Variants in CLVS1 observed in about 807,000 individuals in gnomAD.
CLVS1 encodes the protein clavesin 1, also known as clavesin-1.
In CLVS1, 10 loss-of-function variants were observed where a neutral mutation model predicts 33.1. The observed-to-expected ratio is 0.30, with a 90% CI of 0.19 to 0.51. The LOEUF (loss-of-function observed/expected upper bound fraction) is 0.51, where lower values mean the gene tolerates loss of function less well. Among genes scored for constraint, CLVS1 ranks in the 20% least tolerant of loss-of-function variants. The pLI, the probability that CLVS1 is intolerant of heterozygous loss-of-function variation, is 0.97. For synonymous variants in CLVS1, 163 were observed against 166.1 expected, an observed-to-expected ratio of 0.98 and a Z score of 0.14; for missense variants, 343 against 433.4, an observed-to-expected ratio of 0.79 and a Z score of 1.85.
At chr8:60,994,192 G>T in the CLVS1 span, among the ~76,000 whole-genome samples, 7 of 151,984 alleles carry the variant, frequency 4.6e-5, no homozygotes, top group African/African-American at 1.7e-4. Context: ...GTATCTTCAC[G>T]TGGTCCTTCC....
In CLVS1 at chr8:61,501,088, ATAAAT is replaced by A. The variant is rs1248255403; in HGVS notation, c.*1551_*1555del. ...ATTTCTCAAACAACTGTATCACAAT[ATAAAT>A]TAAACTAATTCATTTTTGTGTAGAC... On this transcript the variant is annotated 3_prime_UTR_variant, in exon 6 of 6. Coordinates refer to ENST00000325897, the MANE Select transcript of CLVS1 (RefSeq NM_173519.3). The A allele has an allele frequency of 2.0e-5, 3 of 152,244 alleles. No individual in the cohort carries two copies. Among genetic ancestry groups the A allele is most frequent in the Non-Finnish European group, 1.5e-5 (1 of 68,032 alleles). 9.4% of individuals were successfully genotyped at this position (152,244 alleles called of 1,614,324 possible).
intron 1 of CLVS1, 164 bp downstream of exon 1, chr8:61,288,302 G>A (rs1330004434): frequency 8.8e-6 from 4 of 455,176 alleles, no homozygotes; most frequent in Non-Finnish European, 1.8e-5. Flanking sequence ...CCCGCTCCCC[G>A]CCGCCTCCGC....
At chr8:61,127,924 C>T (rs1806006333) in intron 1 of CLVS1, among the ~76,000 whole-genome samples, 1 of 152,212 alleles carries the variant, frequency 6.6e-6, no homozygotes, top group Admixed American at 6.5e-5. Context: ...TGACAGACAC[C>T]TGCTCTTCAG....
chr8:60,968,499 A>T, the CLVS1 span, among the ~76,000 whole-genome samples: 3 of 143,208 alleles, frequency 2.1e-5, no homozygotes, highest in African/African-American at 7.9e-5. Flanking sequence ...CTGGCCACAG[A>T]ACAAGACTCC....
chr8:61,229,579 A>G (rs576186116), intron 2 of CLVS1, among the ~76,000 whole-genome samples: 14 of 152,358 alleles, frequency 9.2e-5, no homozygotes, highest in African/African-American at 2.9e-4. Flanking sequence ...ATCCTTGAAG[A>G]AAAGCCCTGG....
intron 1 of CLVS1, among the ~76,000 whole-genome samples, chr8:61,106,168 C>T (rs371267818): frequency 7.2e-5 from 11 of 152,292 alleles, no homozygotes; most frequent in Middle Eastern, 6.8e-3. Context: ...TTTGTAGGCT[C>T]TCAGTTCAGG....
intron 2 of CLVS1, among the ~76,000 whole-genome samples, chr8:61,133,463 G>A (rs180856536): frequency 1.3e-5 from 2 of 152,296 alleles, no homozygotes; most frequent in East Asian, 3.9e-4. Context: ...GTTGTAAGTA[G>A]CTCCTTAGGG....
the CLVS1 span, among the ~76,000 whole-genome samples, chr8:60,984,153 T>A: frequency 9.9e-5 from 15 of 152,052 alleles, no homozygotes; most frequent in Admixed American, 9.8e-4. Context: ...GGAATCACTT[T>A]CTCCCTAGGA....
chr8:61,420,998 A>G (rs1815640893), intron 3 of CLVS1, among the ~76,000 whole-genome samples: 1 of 152,192 alleles, frequency 6.6e-6, no homozygotes, highest in Admixed American at 6.5e-5. Context: ...ACAAACAAAA[A>G]TCAAAAACAA....
chr8:61,318,763 G>T (rs560390833), intron 2 of CLVS1, among the ~76,000 whole-genome samples: 2 of 151,904 alleles, frequency 1.3e-5, no homozygotes, highest in South Asian at 4.2e-4. Context: ...GCCATATCTG[G>T]TCCTTTTTGT....
At chr8:61,140,228 T>C (rs1323908255) in intron 2 of CLVS1, among the ~76,000 whole-genome samples, 1 of 152,230 alleles carries the variant, frequency 6.6e-6, no homozygotes, top group Admixed American at 6.5e-5. Context: ...GCTGAATCTT[T>C]GCTGTTCCCC....
intron 2 of CLVS1, among the ~76,000 whole-genome samples, chr8:61,198,153 T>G (rs1303589722): frequency 1.3e-5 from 2 of 152,240 alleles, no homozygotes; most frequent in Non-Finnish European, 2.9e-5. Context: ...TCTGCCATCT[T>G]TCTTTGCCCT....
intron 2 of CLVS1, among the ~76,000 whole-genome samples, chr8:61,254,721 G>T (rs546163732): frequency 1.0e-3 from 154 of 152,272 alleles, no homozygotes; most frequent in Middle Eastern, 3.4e-3. Context: ...CTCTGAGCCA[G>T]GCACGGGATA....
chr8:61,431,225 T>C (rs1463055155), intron 3 of CLVS1, among the ~76,000 whole-genome samples: 2 of 152,184 alleles, frequency 1.3e-5, no homozygotes, highest in Admixed American at 6.5e-5. Context: ...TTTTGGCTAA[T>C]AGATAACCTT....
chr8:61,489,378 C>T (rs1803992182), intron 5 of CLVS1, among the ~76,000 whole-genome samples: 2 of 152,180 alleles, frequency 1.3e-5, no homozygotes, highest in Admixed American at 6.5e-5. Flanking sequence ...ACTGTAGAAT[C>T]AGATCTGGGT....
chr8:61,321,397 A>AT lies in CLVS1; in HGVS notation c.455+21124dup, dbSNP rs891512097. Among the ~76,000 whole-genome samples, 9 of 149,420 alleles carry AT rather than the reference A, an allele frequency of 6.0e-5. No homozygotes were observed. The South Asian group carries it at 6.5e-4, about 11-fold the overall frequency. ...TGGATTTTTTTTTCTGGGTGATCTG[A>AT]TTTTTTTTTCTTCTGGATGCCTATA... On this transcript the variant is annotated intron_variant, in intron 2 of 5. Coordinates refer to ENST00000325897, the MANE Select transcript of CLVS1 (RefSeq NM_173519.3).
intron 2 of CLVS1, among the ~76,000 whole-genome samples, chr8:61,342,194 C>T (rs559149863): frequency 1.4e-4 from 22 of 152,258 alleles, no homozygotes; most frequent in African/African-American, 4.8e-4. Flanking sequence ...CTCAGCCTCA[C>T]CCTGACTCCA....
chr8:61,053,119 G>A (rs2129276415), upstream of CLVS1, among the ~76,000 whole-genome samples: 1 of 152,312 alleles, frequency 6.6e-6, no homozygotes. Flanking sequence ...AAGGAGTGGG[G>A]TCGACCAGGA....
chr8:60,971,071 C>CTTTTTTTTTTTTTTTT, the CLVS1 span, among the ~76,000 whole-genome samples: 1 of 91,052 alleles, frequency 1.1e-5, no homozygotes, highest in Non-Finnish European at 2.0e-5. Context: ...ATGACTTTTC[C>CTTTTTTTTTTTTTTTT]TTTTTTTTTT....
Sources: allele counts gnomAD v4.1 joint callset (sites outside exome capture counted in the v4.1 genomes callset), GRCh38; gene constraint gnomAD v4.1.1; transcripts MANE v1.5; gene names NCBI Gene and HGNC (gene_info 2026-07-23, HGNC 2026-07-21).